Variants in SEL1L3 observed in about 807,000 individuals in gnomAD.
SEL1L3 encodes the protein protein sel-1 homolog 3.
SEL1L3 carries 76 observed loss-of-function variants against 142.8 expected under a neutral mutation model. That is an observed-to-expected ratio of 0.53 (90% CI 0.44 to 0.64). The LOEUF (loss-of-function observed/expected upper bound fraction) is 0.64, where lower values mean the gene tolerates loss of function less well. Among genes scored for constraint, SEL1L3 ranks in the 30% least tolerant of loss-of-function variants. The probability of loss-of-function intolerance (pLI) is 0.00; values close to 1 mark genes in which losing one functional copy is unlikely to be tolerated. For synonymous variants in SEL1L3, 504 were observed against 519.6 expected, an observed-to-expected ratio of 0.97 and a Z score of 0.41; for missense variants, 1,262 against 1,381.7, an observed-to-expected ratio of 0.91 and a Z score of 1.37.
chr4:25,754,173 A>C (rs186089763), intron 23 of SEL1L3, among the ~76,000 whole-genome samples: 509 of 148,842 alleles, frequency 3.4e-3, no homozygotes, highest in Admixed American at 7.5e-3. Flanking sequence ...GTGGTGGCGC[A>C]TGCCTGTATT....
rs184200485 is a variant in SEL1L3, at chr4:25,843,297, C to T, written c.733+3997G>A. Among the ~76,000 whole-genome samples, 182 of 152,090 alleles carry T rather than the reference C, an allele frequency of 1.2e-3. 1 individual carries two copies. Among genetic ancestry groups the T allele is most frequent in the Middle Eastern group, 3.4e-3 (1 of 294 alleles). Reference sequence around the variant, plus strand: ...CTGGTGGGGGGTGAGGAGGGTACGACGGGCAAAACTGGGTGGCCACTTGCA... The same window carrying T: ...CTGGTGGGGGGTGAGGAGGGTACGATGGGCAAAACTGGGTGGCCACTTGCA... On this transcript the variant is annotated intron_variant, in intron 2 of 23. Coordinates refer to ENST00000399878, the MANE Select transcript of SEL1L3 (RefSeq NM_015187.5).
intron 15 of SEL1L3, among the ~76,000 whole-genome samples, chr4:25,780,790 T>C (rs1031010342): frequency 7.0e-6 from 1 of 142,726 alleles, no homozygotes; most frequent in Non-Finnish European, 1.5e-5. Flanking sequence ...AAAATACACA[T>C]AAATAAAATA....
intron 9 of SEL1L3, 99 bp from the exon 10 acceptor site, chr4:25,804,851 G>C: frequency 1.2e-6 from 1 of 866,368 alleles, no homozygotes; most frequent in Admixed American, 2.0e-5. Context: ...CTGAGTTATT[G>C]ATATGGTCGG....
intron 20 of SEL1L3, among the ~76,000 whole-genome samples, chr4:25,762,582 T>C (rs1306445693): frequency 6.6e-6 from 1 of 152,236 alleles, no homozygotes; most frequent in African/African-American, 2.4e-5. Context: ...TAAGAAATTA[T>C]AATGTATCAG....
At chr4:25,744,114 T>G (rs1234081539), downstream of SEL1L3, among the ~76,000 whole-genome samples, 1 of 152,102 alleles carries the variant, frequency 6.6e-6, no homozygotes, top group African/African-American at 2.4e-5. Context: ...TTTCCCAACC[T>G]CATTTGGAGC....
At chr4:25,861,451 A>G (rs1469554193) in intron 1 of SEL1L3, among the ~76,000 whole-genome samples, 1 of 152,242 alleles carries the variant, frequency 6.6e-6, no homozygotes, top group Admixed American at 6.5e-5. Flanking sequence ...TTGCTTCAAG[A>G]AATGAAACAT....
At position 25,810,387 on chromosome 4, in the gene SEL1L3, C is replaced by A. The variant is rs1044457669; in HGVS notation, c.1565-5635G>T. 2.0e-5 allele frequency among the ~76,000 whole-genome samples: 3 copies of A among 152,180 alleles called. No individual in the cohort carries two copies. The East Asian group carries it at 5.8e-4, about 29-fold the overall frequency. On this transcript the variant is annotated intron_variant, in intron 9 of 23. Transcript: ENST00000399878. ...TGCCATCCCTGCAGCCTCTCACCAG[C>A]CCAGTCCTCATCGCATCTCTTCTCT...
intron 16 of SEL1L3, among the ~76,000 whole-genome samples, chr4:25,777,406 C>T (rs1260703785): frequency 2.0e-5 from 3 of 152,052 alleles, no homozygotes; most frequent in Admixed American, 1.3e-4. Flanking sequence ...TTTTAATATA[C>T]TTCTTTCAGT....
At position 25,781,668 on chromosome 4, in the gene SEL1L3, C is replaced by T. The variant is rs558219546; in HGVS notation, c.2457+574G>A. On this transcript the variant is annotated intron_variant, in intron 15 of 23. Coordinates refer to ENST00000399878, the MANE Select transcript of SEL1L3 (RefSeq NM_015187.5). ...TGTGTGACCCTACGTTACTTAACTT[C>T]GCAGAACCTCAGTCACTTGTCTGAA... is the stretch of plus-strand genomic sequence containing the variant. 2.6e-5 allele frequency among the ~76,000 whole-genome samples: 4 copies of T among 152,216 alleles called. No individual in the cohort carries two copies. In the South Asian group the frequency reaches 8.3e-4, roughly 32 times the overall value.
rs1257325945 is a variant in SEL1L3 at position 25,752,605 on chromosome 4, A to AC, written c.3260-4042dup. Reference sequence around the variant, plus strand: ...CCAGAGGACATACTCCTTGAGAACTACCAGCTAACATTTGTGGTTTTGTTT... The same window carrying AC: ...CCAGAGGACATACTCCTTGAGAACTACCCAGCTAACATTTGTGGTTTTGTTT... On this transcript the variant is annotated intron_variant, in intron 23 of 23. Transcript: ENST00000399878. Among the ~76,000 whole-genome samples the AC allele has an allele frequency of 3.3e-5, 5 of 152,180 alleles. No individual in the cohort carries two copies. The East Asian group carries it at 9.7e-4, about 29-fold the overall frequency.
At position 25,847,277 on chromosome 4, in the gene SEL1L3, C is replaced by A. The variant is rs768391658; in HGVS notation, c.733+17G>T. On this transcript the variant is annotated intron_variant, in intron 2 of 23. Coordinates refer to ENST00000399878, the MANE Select transcript of SEL1L3 (RefSeq NM_015187.5). ...GAAAAAATGAGAATTAGGTTCCTAG[C>A]AAGATAGATGACCTACCATTTTCCA... 1 of 1,587,722 alleles carries A rather than the reference C, an allele frequency of 6.3e-7. No individual in the cohort carries two copies. The highest frequency in any genetic ancestry group is 1.1e-5 in the South Asian group (1 of 87,446).
At position 25,822,123 on chromosome 4, in the gene SEL1L3, C is replaced by T. The variant is rs147554165; in HGVS notation, c.1163G>A (p.Arg388Gln). ...KSYHNQTISF[R>Q]EDFHYNDTAG... ...TGTGTCATTATAATGGAAATCCTCCCGGAAGCTAGAGAAGAGAATGAAGGA... is the reference window on the plus strand; with the variant it reads ...TGTGTCATTATAATGGAAATCCTCCTGGAAGCTAGAGAAGAGAATGAAGGA... The change falls in exon 7 of 24, where the codon CGG becomes CAG. Residue 388 changes from arginine to glutamine, a missense_variant. This residue lies in a region of SEL1L3 where 689 missense variants were observed against 692.8 expected (regional missense o/e 0.99). Coordinates refer to ENST00000399878, the MANE Select transcript of SEL1L3 (RefSeq NM_015187.5). 47 of 1,613,918 alleles carry T rather than the reference C, an allele frequency of 2.9e-5. No individual in the cohort carries two copies. The highest frequency in any genetic ancestry group is 1.9e-4 in the African/African-American group (14 of 75,030).
At chr4:25,757,034 G>A (rs1358856834) in intron 23 of SEL1L3, 38 of 970,862 alleles carry the variant, frequency 3.9e-5, no homozygotes, top group Non-Finnish European at 4.8e-5. Flanking sequence ...TCAGGAGGAT[G>A]AGGCAGCCAG....
intron 2 of SEL1L3, among the ~76,000 whole-genome samples, chr4:25,845,430 A>G (rs895654511): frequency 6.6e-6 from 1 of 152,214 alleles, no homozygotes; most frequent in African/African-American, 2.4e-5. Context: ...CAGGATGTTG[A>G]GGCTATAGTG....
In SEL1L3 at chr4:25,830,138, T is replaced by C. The variant is rs370247389; in HGVS notation, c.1117A>G (p.Ile373Val). 2.9e-5 allele frequency: 47 copies of C among 1,609,458 alleles called. 1 individual carries two copies. In the Admixed American group the frequency reaches 5.3e-4, roughly 18 times the overall value. ...NGGQIVVTTSIGQDLKSYHNQ... is the reference protein window; with the variant it reads ...NGGQIVVTTSVGQDLKSYHNQ... ...TGGTAGCTTTTCAAATCCTGTCCAA[T>C]GCTAGTGGTTACTACTATCTATGAT... The change falls in exon 6 of 24, where the codon ATT (isoleucine) becomes GTT (valine). Residue 373 changes from isoleucine (I) to valine (V), a missense_variant. Coordinates refer to ENST00000399878, the MANE Select transcript of SEL1L3 (RefSeq NM_015187.5).
intron 2 of SEL1L3, among the ~76,000 whole-genome samples, chr4:25,845,982 C>A (rs920429331): frequency 1.3e-5 from 2 of 152,170 alleles, no homozygotes; most frequent in African/African-American, 4.8e-5. Flanking sequence ...CCCCCACCCC[C>A]GCAGATCCTG....
intron 23 of SEL1L3, chr4:25,756,771 G>A: frequency 1.2e-5 from 14 of 1,167,062 alleles, no homozygotes; most frequent in Non-Finnish European, 1.5e-5. Flanking sequence ...CTCTGAGTCC[G>A]TGTGGCCGAG....
chr4:25,718,819 G>C, the SEL1L3 span: 3 of 152,198 alleles, frequency 2.0e-5, no homozygotes, highest in Admixed American at 1.3e-4. Flanking sequence ...TACTATACAA[G>C]CCATGATACA....
chr4:25,848,584 G>A (rs1716693405), intron 1 of SEL1L3, among the ~76,000 whole-genome samples: 1 of 152,216 alleles, frequency 6.6e-6, no homozygotes, highest in South Asian at 2.1e-4. Context: ...TGATATGTGA[G>A]TGCTAAGAGC....
Sources: allele counts gnomAD v4.1 joint callset (sites outside exome capture counted in the v4.1 genomes callset), GRCh38; gene constraint gnomAD v4.1.1; regional missense constraint gnomAD v4.1.1; transcripts MANE v1.5; gene names NCBI Gene and HGNC (gene_info 2026-07-23, HGNC 2026-07-21).